The following C9orf50 variants were observed in gnomAD, a reference collection of about 807,000 sequenced individuals.
C9orf50 encodes the protein uncharacterized protein C9orf50.
A neutral mutation model predicts 42.5 loss-of-function variants in C9orf50; 33 were observed. The observed-to-expected ratio is 0.78, with a 90% confidence interval of 0.59 to 1.04. C9orf50 has a LOEUF of 1.04. Ranked by LOEUF, C9orf50 falls within the 50% of genes least tolerant of loss-of-function variation. C9orf50 has a pLI of 0.00. For synonymous variants in C9orf50, 257 were observed against 273.4 expected (o/e 0.94, Z 0.59); for missense variants, 547 against 594.3 (o/e 0.92, Z 0.83).
intron 3 of C9orf50, among the ~76,000 whole-genome samples, chr9:129,618,910 TTCACCG>T (rs1830530062): frequency 6.6e-6 from 1 of 151,196 alleles, no homozygotes. Context: ...GAGACGGGGT[TTCACCG>T]TGTTATCCAG....
At chr9:129,612,263 G>A in exon 7 of C9orf50, 3 of 1,185,824 alleles carry the variant, frequency 2.5e-6, no homozygotes, top group Non-Finnish European at 3.6e-6. Context: ...CAGCCACCTG[G>A]GATGTGCCTT....
chr9:129,621,204 G>A (rs1237948734), upstream of C9orf50, among the ~76,000 whole-genome samples: 1 of 152,216 alleles, frequency 6.6e-6, no homozygotes, highest in Non-Finnish European at 1.5e-5. Context: ...AGGGAAGAGA[G>A]ACCTGACCAG....
chr9:129,612,296 G>A (rs749944986), exon 7 of C9orf50: 11 of 1,476,364 alleles, frequency 7.5e-6, no homozygotes, highest in South Asian at 3.5e-5. Context: ...AAGGAAGGAC[G>A]CTCCTCATTG....
In C9orf50 at chr9:129,613,379, G is replaced by C. The variant is rs577289479; in HGVS notation, c.1043+56C>G. ...TGGGTGGGGAGGTCTGTAGGCAAGG[G>C]GGGTGGAGGGCCCTGGCAATGTCCA... is the stretch of plus-strand genomic sequence containing the variant. On this transcript the variant is annotated intron_variant, in intron 5 of 6. Transcript: ENST00000372478. This position sits in a 1 kb window ranked among gnomAD's most constrained non-coding sequence, Gnocchi z 6.2. 59 of 1,597,456 alleles carry C rather than the reference G, an allele frequency of 3.7e-5. No individual in the cohort carries two copies. Among genetic ancestry groups the C allele is most frequent in the Non-Finnish European group, 3.9e-5 (46 of 1,169,632 alleles).
rs931696074 is a variant in C9orf50 at position 129,620,704 on chromosome 9, G to C, written c.-130C>G. On this transcript the variant is annotated 5_prime_UTR_variant, in exon 1 of 7. Coordinates refer to ENST00000372478, the Ensembl canonical transcript of C9orf50. The surrounding 1 kb of genome is among the most constrained non-coding windows in gnomAD (Gnocchi z 5.8). Reference sequence around the variant, plus strand: ...CGGGGCAGCGCGGTGCGGGGTGAACGCCACCGGCCCGGCGGACAGCGAGTG... The same window carrying C: ...CGGGGCAGCGCGGTGCGGGGTGAACCCCACCGGCCCGGCGGACAGCGAGTG... 4.9e-6 allele frequency: 4 copies of C among 822,380 alleles called. No homozygotes were observed. The highest frequency in any genetic ancestry group is 6.5e-6 in the Non-Finnish European group (4 of 615,112). 50.9% of individuals were successfully genotyped at this position (822,380 alleles called of 1,614,324 possible). A position where few individuals can be genotyped will look rare whatever the true frequency, so the allele number is the denominator to read the frequency against.
At chr9:129,615,626 G>A in exon 4 of C9orf50, 1 of 1,585,796 alleles carries the variant, frequency 6.3e-7, no homozygotes, top group Non-Finnish European at 8.5e-7. Context: ...TGAGCCTGGG[G>A]ACCTGTGCAC....
rs1830321874 is a variant in C9orf50 at position 129,615,469 on chromosome 9, A to T, written c.880+15T>A. On this transcript the variant is annotated intron_variant, in intron 4 of 6. Transcript: ENST00000372478. ...ACTTTCGGGAGTCTCGAGGCTCCCC[A>T]TCCTGTCTGCTTACCTGAGCGTCTG... is the stretch of plus-strand genomic sequence containing the variant. The T allele has an allele frequency of 1.9e-6, 3 of 1,568,346 alleles. No homozygotes were observed. The highest frequency in any genetic ancestry group is 1.2e-5 in the South Asian group (1 of 84,938).
intron 3 of C9orf50, among the ~76,000 whole-genome samples, chr9:129,615,912 A>G (rs1830355190): frequency 6.6e-6 from 1 of 152,242 alleles, no homozygotes; most frequent in Non-Finnish European, 1.5e-5. Context: ...GAGGAAACAG[A>G]GGCACAGAGA....
chr9:129,615,151 G>A (rs1830292404), intron 4 of C9orf50, among the ~76,000 whole-genome samples: 1 of 152,240 alleles, frequency 6.6e-6, no homozygotes, highest in Non-Finnish European at 1.5e-5. Context: ...AGGCTGTGGG[G>A]ACTGCGGAGG....
At chr9:129,620,803 G>C, upstream of C9orf50, 1 of 395,570 alleles carries the variant, frequency 2.5e-6, no homozygotes, top group South Asian at 1.4e-4. This position sits in a 1 kb window ranked among gnomAD's most constrained non-coding sequence, Gnocchi z 5.8. Flanking sequence ...GCCAACTTTG[G>C]GGGTTGCTGT....
At chr9:129,616,478 A>T (rs1830394035) in intron 3 of C9orf50, among the ~76,000 whole-genome samples, 1 of 152,072 alleles carries the variant, frequency 6.6e-6, no homozygotes, top group Non-Finnish European at 1.5e-5. Context: ...CGCCTTCCTA[A>T]GTGCTGGGAT....
chr9:129,620,675 C>G lies in C9orf50; in HGVS notation c.-101G>C. 1 of 1,120,616 alleles carries G rather than the reference C, an allele frequency of 8.9e-7. No homozygotes were observed. Among genetic ancestry groups the G allele is most frequent in the South Asian group, 4.4e-5 (1 of 22,748 alleles). 69.4% of individuals were successfully genotyped at this position (1,120,616 alleles called of 1,614,324 possible). A position where few individuals can be genotyped will look rare whatever the true frequency, so the allele number is the denominator to read the frequency against. ...AGTCCAGCCCCAGGCCATAGTGCCC[C>G]GGGCGGGGCAGCGCGGTGCGGGGTG... On this transcript the variant is annotated 5_prime_UTR_variant, in exon 1 of 7. Transcript: ENST00000372478. This position sits in a 1 kb window ranked among gnomAD's most constrained non-coding sequence, Gnocchi z 5.8.
chr9:129,620,872 G>C, upstream of C9orf50: 1 of 326,404 alleles, frequency 3.1e-6, no homozygotes, highest in Non-Finnish European at 5.5e-6. This position sits in a 1 kb window ranked among gnomAD's most constrained non-coding sequence, Gnocchi z 5.8. Flanking sequence ...TACAGTGCCA[G>C]GCACGCTGGC....
rs1009953629 is a variant in C9orf50 at position 129,613,752 on chromosome 9, C to A, written c.881-155G>T. 2.0e-5 allele frequency among the ~76,000 whole-genome samples: 3 copies of A among 152,216 alleles called. No individual in the cohort carries two copies. The highest frequency in any genetic ancestry group is 2.1e-4 in the South Asian group (1 of 4,836). Reference sequence around the variant, plus strand: ...CGCCTTCTGGCTGCCTCCAGAGAAGCCTTGGGTTTTAAAACCACCTTGCGT... The same window carrying A: ...CGCCTTCTGGCTGCCTCCAGAGAAGACTTGGGTTTTAAAACCACCTTGCGT... On this transcript the variant is annotated intron_variant, in intron 4 of 6. Transcript: ENST00000372478. This position sits in a 1 kb window ranked among gnomAD's most constrained non-coding sequence, Gnocchi z 6.2.
At chr9:129,619,571 C>G in exon 3 of C9orf50, 1 of 1,614,084 alleles carries the variant, frequency 6.2e-7, no homozygotes, top group Non-Finnish European at 8.5e-7. Flanking sequence ...CTTCAGGGGC[C>G]CCAGAATAGG....
intron 4 of C9orf50, 146 bp downstream of exon 4, chr9:129,615,338 C>T: frequency 1.1e-6 from 1 of 873,232 alleles, no homozygotes; most frequent in Non-Finnish European, 1.6e-6. Flanking sequence ...CCAAGGAGGC[C>T]AGTTCAGGCA....
In C9orf50 at chr9:129,615,559, A is replaced by G. The variant is rs771606162; in HGVS notation, c.805T>C (p.Cys269Arg). The G allele has an allele frequency of 2.5e-6, 4 of 1,610,336 alleles. No individual in the cohort carries two copies. The East Asian group carries it at 8.9e-5, about 36-fold the overall frequency. ...TCAGCGAATCGCACCCGGAAAGGGC[A>G]ACGCTGCCTGCAGGGCCTAGAGCCT... is the stretch of plus-strand genomic sequence containing the variant. Residue 269 changes from cysteine to arginine, a missense_variant, in exon 4 of 7, where the codon TGC becomes CGC. By Grantham distance (180) the Cys-to-Arg change is radical. This residue lies in a region of C9orf50 where 334 missense variants were observed against 323.7 expected (regional missense o/e 1.03). Transcript: ENST00000372478.
chr9:129,618,126 T>C (rs559955414), intron 3 of C9orf50, among the ~76,000 whole-genome samples: 2 of 152,304 alleles, frequency 1.3e-5, no homozygotes, highest in South Asian at 2.1e-4. Context: ...AAGAATGATA[T>C]GTTTGTGATG....
At position 129,620,658 on chromosome 9, in the gene C9orf50, C is replaced by T; in HGVS notation, c.-84G>A. ...TGAGGTGGGGAGGGCATAGTCCAGC[C>T]CCAGGCCATAGTGCCCCGGGCGGGG... On this transcript the variant is annotated 5_prime_UTR_variant, in exon 1 of 7. Coordinates refer to ENST00000372478, the Ensembl canonical transcript of C9orf50. This position sits in a 1 kb window ranked among gnomAD's most constrained non-coding sequence, Gnocchi z 5.8. 8.2e-7 allele frequency: 1 copy of T among 1,212,636 alleles called. No homozygotes were observed. The allele number at this position is 1,212,636 out of a possible 1,614,324, so 75.1% of individuals were successfully genotyped here. A position where few individuals can be genotyped will look rare whatever the true frequency, so the allele number is the denominator to read the frequency against.
Sources: gnomAD v4.1 joint callset for allele counts (sites outside exome capture counted in the v4.1 genomes callset) on GRCh38, gnomAD v4.1.1 for gene constraint, gnomAD v4.1.1 regional missense constraint, Gnocchi (gnomAD v3.1) non-coding constraint, MANE v1.5 for transcripts, NCBI Gene and HGNC (gene_info 2026-07-23, HGNC 2026-07-21) for gene names.